Variants in KANSL3 observed in about 807,000 individuals in gnomAD.
The protein encoded by KANSL3 is KAT8 regulatory NSL complex subunit 3, also known as NSL complex protein NSL3.
Under a neutral mutation model 89.2 loss-of-function variants are expected in KANSL3, and 16 were observed. That is an observed-to-expected ratio of 0.18 (90% CI 0.12 to 0.27). KANSL3 has a LOEUF of 0.27. KANSL3 is among the 10% of genes least tolerant of loss of function. The pLI is 1.00. For missense variants in KANSL3, 879 were observed against 1,110.6 expected (o/e 0.79, Z 2.96); for synonymous variants, 385 against 419.7 (o/e 0.92, Z 1.01).
Position 96,611,090 on chromosome 2 carries a change from G to A in KANSL3, c.1135C>T (p.Leu379=), listed in dbSNP as rs781618482. The A allele has an allele frequency of 2.5e-5, 41 of 1,614,002 alleles. 1 individual carries two copies. The South Asian group carries it at 3.8e-4, about 15-fold the overall frequency. Residue 379 remains leucine (L), a synonymous_variant, in exon 10 of 21, where the codon CTG becomes TTG. Coordinates refer to ENST00000431828, the MANE Select transcript of KANSL3 (RefSeq NM_001115016.3). ...CCTCTGGGGCCATCCACAGTAAGCA[G>A]AGGAAACCCAAGGCAGACAACTGCA... The part of the protein sequence containing the change: ...VTAVVCLGFP[L]LTVDGPRGDV...
chr2:96,608,766 C>T, intron 13 of KANSL3, 98 bp downstream of exon 13: 1 of 1,553,452 alleles, frequency 6.4e-7, no homozygotes, highest in Non-Finnish European at 8.8e-7. Context: ...CTCACAGGCC[C>T]ATGGCACTAA....
chr2:96,630,060 T>C (rs1280849593), intron 3 of KANSL3, among the ~76,000 whole-genome samples: 1 of 152,162 alleles, frequency 6.6e-6, no homozygotes, highest in Non-Finnish European at 1.5e-5. Context: ...AGAACTCTCA[T>C]ACACTGCTGG....
downstream of KANSL3, among the ~76,000 whole-genome samples, chr2:96,592,761 T>C (rs1489550149): frequency 2.0e-5 from 3 of 152,152 alleles, no homozygotes; most frequent in Non-Finnish European, 4.4e-5. Context: ...CCCAGCACTT[T>C]GGGAGGCTGA....
Position 96,598,099 on chromosome 2 carries a change from A to G in KANSL3, c.2617-2468T>C, listed in dbSNP as rs1021926221. ...GGATTACCTAACACAGGAGGAAGGG[A>G]TCACGTGGCAGGATCTGTGTTCTAG... On this transcript the variant is annotated intron_variant, in intron 20 of 20. Coordinates refer to ENST00000431828, the MANE Select transcript of KANSL3 (RefSeq NM_001115016.3). 1.0e-5 allele frequency: 10 copies of G among 985,412 alleles called. No homozygotes were observed. The South Asian group carries it at 4.7e-4, about 46-fold the overall frequency. The allele number at this position is 985,412 out of a possible 1,614,324, so 61.0% of individuals were successfully genotyped here. A position where few individuals can be genotyped will look rare whatever the true frequency, so the allele number is the denominator to read the frequency against.
At chr2:96,593,044 T>C (rs530045455), downstream of KANSL3, 17 of 283,010 alleles carry the variant, frequency 6.0e-5, no homozygotes, top group South Asian at 5.8e-4. Flanking sequence ...TCATACCACC[T>C]GGCATTGGTG....
chr2:96,605,637 A>G, intron 14 of KANSL3, 126 bp from the exon 15 acceptor site: 1 of 754,470 alleles, frequency 1.3e-6, no homozygotes, highest in East Asian at 2.6e-5. Flanking sequence ...CTCTACGTAC[A>G]GGGCCACCCC....
At chr2:96,582,943 G>A in the KANSL3 span, among the ~76,000 whole-genome samples, 2 of 152,214 alleles carry the variant, frequency 1.3e-5, no homozygotes, top group East Asian at 3.8e-4. Context: ...AGGAGCTACA[G>A]GAAGGTTTGG....
chr2:96,604,220 G>T, intron 17 of KANSL3, 30 bp downstream of exon 17: 3 of 1,568,944 alleles, frequency 1.9e-6, no homozygotes, highest in Non-Finnish European at 2.6e-6. Flanking sequence ...ATTCTGTGTT[G>T]GAAGGGGAGA....
At position 96,632,953 on chromosome 2, in the gene KANSL3, G is replaced by A. The variant is rs184176884; in HGVS notation, c.216-1471C>T. ...TGCACTCCAGACTGGGAGACAGAGC[G>A]AGACTCCATCTCAAAAAAAAAAAAA... On this transcript the variant is annotated intron_variant, in intron 2 of 20. Coordinates refer to ENST00000431828, the MANE Select transcript of KANSL3 (RefSeq NM_001115016.3). Among the ~76,000 whole-genome samples the A allele has an allele frequency of 2.3e-4, 32 of 140,766 alleles. No individual in the cohort carries two copies. The Middle Eastern group carries it at 0.016, about 70-fold the overall frequency. 92.3% of individuals were successfully genotyped at this position (140,766 alleles called of 152,430 possible).
chr2:96,622,771 G>C (rs1385573073), intron 3 of KANSL3, among the ~76,000 whole-genome samples: 1 of 152,116 alleles, frequency 6.6e-6, no homozygotes, highest in Non-Finnish European at 1.5e-5. Flanking sequence ...TTCCCTCACA[G>C]CACCCTCTAC....
chr2:96,611,903 A>ATGTGTGTGTGTGTG (rs59217274), intron 9 of KANSL3, among the ~76,000 whole-genome samples: 6,510 of 113,174 alleles, frequency 0.058, 470 homozygotes, highest in African/African-American at 0.15. Context: ...ATATACCCAT[A>ATGTGTGTGTGTGTG]TGTGTGTGTG....
downstream of KANSL3, among the ~76,000 whole-genome samples, chr2:96,588,949 G>C (rs914240164): frequency 2.6e-5 from 4 of 152,136 alleles, no homozygotes; most frequent in Non-Finnish European, 4.4e-5. Flanking sequence ...ACTGTCTAAC[G>C]TGGTTCTCAA....
intron 18 of KANSL3, 92 bp from the exon 19 acceptor site, chr2:96,602,430 C>T: frequency 3.2e-6 from 3 of 943,136 alleles, no homozygotes; most frequent in East Asian, 5.2e-5. Context: ...TAAAGGCTAA[C>T]ATGTATTGAG....
chr2:96,637,776 T>C (rs1362717138), intron 1 of KANSL3, among the ~76,000 whole-genome samples: 1 of 152,152 alleles, frequency 6.6e-6, no homozygotes, highest in Non-Finnish European at 1.5e-5. Flanking sequence ...TACATAAAAA[T>C]GAAAACTGCC....
intron 3 of KANSL3, among the ~76,000 whole-genome samples, chr2:96,629,601 C>T (rs1209703366): frequency 3.9e-5 from 6 of 152,186 alleles, no homozygotes; most frequent in Non-Finnish European, 8.8e-5. Context: ...GGATTACAGG[C>T]GTGAGAAAAG....
In KANSL3 at chr2:96,602,734, G is replaced by A. The variant is rs1368219639; in HGVS notation, c.2259+19C>T. The A allele has an allele frequency of 1.3e-6, 2 of 1,567,200 alleles. No homozygotes were observed. Among genetic ancestry groups the A allele is most frequent in the Admixed American group, 1.9e-5 (1 of 53,966 alleles). Reference sequence around the variant, plus strand: ...CTCCTCCCTACACCTGCCCAGCCCAGCAGATGGCAGATGTGCACCTGTGGG... The same window carrying A: ...CTCCTCCCTACACCTGCCCAGCCCAACAGATGGCAGATGTGCACCTGTGGG... On this transcript the variant is annotated intron_variant, in intron 18 of 20. Coordinates refer to ENST00000431828, the MANE Select transcript of KANSL3 (RefSeq NM_001115016.3).
intron 18 of KANSL3, 99 bp downstream of exon 18, chr2:96,602,654 G>T: frequency 1.1e-6 from 1 of 920,792 alleles, no homozygotes; most frequent in Non-Finnish European, 1.7e-6. Context: ...GTTTGTCCTT[G>T]ATCCACTGAC....
In KANSL3 at chr2:96,613,590, C is replaced by T. The variant is rs754558100; in HGVS notation, c.693G>A (p.Val231=). 4.7e-5 allele frequency: 76 copies of T among 1,612,984 alleles called. No homozygotes were observed. Among genetic ancestry groups the T allele is most frequent in the Non-Finnish European group, 6.0e-5 (71 of 1,179,522 alleles). ...CAGCCCCAGTCTTTGTGTTGGATGA[C>T]ACAAGCATCCGGTCAATCAAGGTTG... is the stretch of plus-strand genomic sequence containing the variant. The part of the protein sequence containing the change: ...KIPTLIDRML[V]SSNTKTGAAG... The change falls in exon 6 of 21, where the codon GTG becomes GTA. Residue 231 remains valine (V), a synonymous_variant. Transcript: ENST00000431828.
intron 11 of KANSL3, among the ~76,000 whole-genome samples, 162 bp from the exon 12 acceptor site, chr2:96,609,724 G>A (rs1248663428): frequency 6.6e-6 from 1 of 152,050 alleles, no homozygotes; most frequent in African/African-American, 2.4e-5. Flanking sequence ...CTGTTTCCGT[G>A]TCTGCAAAAT....
Sources: gnomAD v4.1 joint callset for allele counts (sites outside exome capture counted in the v4.1 genomes callset) on GRCh38, gnomAD v4.1.1 for gene constraint, MANE v1.5 for transcripts, NCBI Gene and HGNC (gene_info 2026-07-23, HGNC 2026-07-21) for gene names.